NEBL: variants seen among roughly 807,000 people sequenced by gnomAD.
The protein encoded by NEBL is LIM and SH3 protein 2.
A neutral mutation model predicts 140.2 loss-of-function variants in NEBL; 122 were observed. The observed-to-expected ratio is 0.87, with a 90% CI of 0.75 to 1.01. The LOEUF is 1.01. Among genes scored for constraint, NEBL ranks in the 50% least tolerant of loss-of-function variants. The pLI, the probability that NEBL is intolerant of heterozygous loss-of-function variation, is 0.00. For missense variants in NEBL, 1,365 were observed against 1,231.3 expected (o/e 1.11, Z -1.62); for synonymous variants, 436 against 398.9 (o/e 1.09, Z -1.11).
chr10:21,023,032 G>C (rs1193755635), intron 2 of NEBL, among the ~76,000 whole-genome samples: 1 of 152,192 alleles, frequency 6.6e-6, no homozygotes, highest in Non-Finnish European at 1.5e-5. Flanking sequence ...GACAACTCTG[G>C]TGTGTTATGT....
At chr10:21,074,669 G>C (rs1039455802) in intron 2 of NEBL, among the ~76,000 whole-genome samples, 1 of 151,890 alleles carries the variant, frequency 6.6e-6, no homozygotes, top group Admixed American at 6.6e-5. Context: ...CAGTAGAGAC[G>C]GGGTTTCACT....
intron 3 of NEBL, among the ~76,000 whole-genome samples, chr10:20,985,135 A>AC (rs1837207123): frequency 1.3e-5 from 2 of 152,350 alleles, no homozygotes; most frequent in African/African-American, 4.8e-5. Context: ...TAAAGTGTAC[A>AC]ATAAATGTAA....
At chr10:21,013,264 G>A (rs906791344) in intron 3 of NEBL, among the ~76,000 whole-genome samples, 3 of 152,082 alleles carry the variant, frequency 2.0e-5, no homozygotes, top group South Asian at 2.1e-4. Flanking sequence ...TATGTGAAAC[G>A]TAATCTCTTA....
chr10:21,113,304 A>AAAAAAAAAAAAAAAAAAAAAC (rs1838128878), intron 2 of NEBL: 10 of 337,064 alleles, frequency 3.0e-5, no homozygotes, highest in South Asian at 2.5e-4. Flanking sequence ...AAAAAAAAAA[A>AAAAAAAAAAAAAAAAAAAAAC]AACCAGGAAA....
At chr10:21,078,830 T>TA (rs779943300) in intron 2 of NEBL, among the ~76,000 whole-genome samples, 6 of 152,182 alleles carry the variant, frequency 3.9e-5, no homozygotes, top group Non-Finnish European at 8.8e-5. Context: ...GTTGCAGTCT[T>TA]AGTGTTTCAA....
chr10:21,020,297 C>A, intron 2 of NEBL: 1 of 1,081,028 alleles, frequency 9.3e-7, no homozygotes, highest in Non-Finnish European at 1.4e-6. Context: ...CTTTTCCCAA[C>A]CCCATCACAG....
At chr10:21,029,251 A>C in intron 2 of NEBL, 3 of 1,566,302 alleles carry the variant, frequency 1.9e-6, no homozygotes, top group Non-Finnish European at 2.6e-6. Flanking sequence ...GGAACCCAAT[A>C]TCAACTGGAG....
intron 4 of NEBL, among the ~76,000 whole-genome samples, chr10:20,909,110 G>T (rs968540069): frequency 2.7e-5 from 4 of 150,400 alleles, no homozygotes; most frequent in Admixed American, 6.7e-5. Context: ...TGGAGAATGG[G>T]GCATCCATCC....
intron 9 of NEBL, 101 bp from the exon 10 acceptor site, chr10:20,852,750 G>A (rs1842676960): frequency 6.6e-6 from 7 of 1,063,584 alleles, no homozygotes; most frequent in Non-Finnish European, 9.8e-6. Context: ...ACCAAGAGCT[G>A]CAAAGCTGTT....
intron 2 of NEBL, chr10:21,146,593 G>A: frequency 1.0e-6 from 1 of 1,002,800 alleles, no homozygotes; most frequent in Admixed American, 2.2e-5. Flanking sequence ...AATTACAGAA[G>A]CTCTTAGCAA....
intron 1 of NEBL, among the ~76,000 whole-genome samples, chr10:21,281,888 C>T (rs1842997866): frequency 6.6e-6 from 1 of 152,158 alleles, no homozygotes; most frequent in East Asian, 1.9e-4. Flanking sequence ...CATAGTTTTG[C>T]CTTTTCCAGA....
intron 1 of NEBL, among the ~76,000 whole-genome samples, chr10:21,260,684 G>A (rs1029198212): frequency 2.0e-5 from 3 of 152,122 alleles, no homozygotes; most frequent in African/African-American, 7.2e-5. Context: ...TTCTTCTGAA[G>A]GTCGAGCCCT....
At chr10:21,154,970 G>T (rs1271811911) in intron 2 of NEBL, among the ~76,000 whole-genome samples, 1 of 152,170 alleles carries the variant, frequency 6.6e-6, no homozygotes, top group Non-Finnish European at 1.5e-5. Context: ...GGAGGCCGAG[G>T]CGGGTGGATC....
chr10:21,144,624 G>A (rs1052148226), intron 2 of NEBL, among the ~76,000 whole-genome samples: 1 of 152,104 alleles, frequency 6.6e-6, no homozygotes, highest in Non-Finnish European at 1.5e-5. Context: ...TACCTCAGAG[G>A]CTGAGACACG....
At chr10:21,203,145 A>T (rs1841768525) in intron 3 of NEBL, among the ~76,000 whole-genome samples, 1 of 152,230 alleles carries the variant, frequency 6.6e-6, no homozygotes, top group Non-Finnish European at 1.5e-5. Flanking sequence ...TTTAAAAATC[A>T]GCCTTTATTA....
intron 26 of NEBL, chr10:20,804,188 C>T (rs1837403643): frequency 6.6e-6 from 1 of 151,880 alleles, no homozygotes; most frequent in Non-Finnish European, 1.5e-5. Context: ...GTACCAGGTG[C>T]TATGAAGGAA....
At chr10:20,916,008 A>G (rs545612407) in intron 4 of NEBL, among the ~76,000 whole-genome samples, 1 of 152,376 alleles carries the variant, frequency 6.6e-6, no homozygotes, top group African/African-American at 2.4e-5. Context: ...AGTAAGACAT[A>G]ACAGACTGTC....
chr10:20,831,160 A>AATACACG, intron 16 of NEBL, 36 bp downstream of exon 16: 2 of 1,378,604 alleles, frequency 1.5e-6, no homozygotes, highest in Non-Finnish European at 2.1e-6. Context: ...ATGACATTGG[A>AATACACG]ATACACGATT....
chr10:21,235,845 C>T (rs1012630551), intron 3 of NEBL, among the ~76,000 whole-genome samples: 1 of 152,164 alleles, frequency 6.6e-6, no homozygotes, highest in African/African-American at 2.4e-5. Context: ...CATTGTGCAT[C>T]GATTTATGAC....
Sources: allele counts gnomAD v4.1 joint callset (sites outside exome capture counted in the v4.1 genomes callset), GRCh38; gene constraint gnomAD v4.1.1; transcripts MANE v1.5; gene names NCBI Gene and HGNC (gene_info 2026-07-23, HGNC 2026-07-21).